The following GLIS1 variants were observed in gnomAD, a reference collection of about 807,000 sequenced individuals.
The protein encoded by GLIS1 is zinc finger protein GLIS1.
In GLIS1, 24 loss-of-function variants were observed where a neutral mutation model predicts 63.8. The ratio of observed to expected loss-of-function variants is 0.38; its 90% CI spans 0.27 to 0.53. GLIS1 has a LOEUF of 0.53. Ranked by LOEUF, GLIS1 falls within the 20% of genes least tolerant of loss-of-function variation. GLIS1 has a pLI of 0.85. For missense variants in GLIS1, 1,036 were observed against 1,074.1 expected, an observed-to-expected ratio of 0.96 and a Z score of 0.50; for synonymous variants, 450 against 482.5, an observed-to-expected ratio of 0.93 and a Z score of 0.88.
intron 2 of GLIS1, among the ~76,000 whole-genome samples, chr1:53,689,627 G>T (rs997439974): frequency 6.6e-6 from 1 of 152,136 alleles, no homozygotes; most frequent in African/African-American, 2.4e-5. Flanking sequence ...CCCAAACAAA[G>T]ACTTACTTCT....
intron 2 of GLIS1, among the ~76,000 whole-genome samples, chr1:53,636,759 G>A (rs925686444): frequency 1.3e-5 from 2 of 152,182 alleles, no homozygotes; most frequent in South Asian, 2.1e-4. Flanking sequence ...ACTCGGCGAC[G>A]CCTACTGGGC....
chr1:53,641,873 C>T (rs563828573), intron 2 of GLIS1, among the ~76,000 whole-genome samples: 1 of 152,352 alleles, frequency 6.6e-6, no homozygotes, highest in African/African-American at 2.4e-5. Flanking sequence ...ACCTCCACAG[C>T]TTGCACATCA....
intron 4 of GLIS1, among the ~76,000 whole-genome samples, chr1:53,561,727 T>C (rs1170285788): frequency 1.3e-5 from 2 of 152,168 alleles, no homozygotes; most frequent in African/African-American, 4.8e-5. Flanking sequence ...GGCCCAGCAG[T>C]TCATGGAGAG....
intron 2 of GLIS1, among the ~76,000 whole-genome samples, chr1:53,649,416 A>G (rs1645882114): frequency 6.6e-6 from 1 of 152,230 alleles, no homozygotes; most frequent in Admixed American, 6.5e-5. Context: ...GGTGCTCATC[A>G]TCTCCGTGTG....
At chr1:53,712,144 C>T (rs1203936480) in intron 2 of GLIS1, among the ~76,000 whole-genome samples, 2 of 152,180 alleles carry the variant, frequency 1.3e-5, no homozygotes, top group African/African-American at 4.8e-5. Flanking sequence ...ACACCAAATT[C>T]CTCCCCACTA....
intron 2 of GLIS1, among the ~76,000 whole-genome samples, chr1:53,689,465 TTCCCACCCAGAAACA>T (rs1249721182): frequency 3.9e-5 from 6 of 152,120 alleles, no homozygotes; most frequent in African/African-American, 1.4e-4. Flanking sequence ...CCCGTGTATC[TTCCCACCCAGAAACA>T]TCCTGAGCTG....
intron 2 of GLIS1, among the ~76,000 whole-genome samples, chr1:53,720,275 T>C (rs913617935): frequency 1.3e-5 from 2 of 152,146 alleles, no homozygotes; most frequent in African/African-American, 2.4e-5. Flanking sequence ...AATAGACAAA[T>C]GGATAGAGAA....
chr1:53,715,385 C>G (rs1382599931), intron 2 of GLIS1, among the ~76,000 whole-genome samples: 1 of 152,168 alleles, frequency 6.6e-6, no homozygotes, highest in African/African-American at 2.4e-5. Flanking sequence ...GCAAGGTCAG[C>G]ATGGTCCAAG....
At chr1:53,517,669 G>C (rs1274672403) in intron 7 of GLIS1, among the ~76,000 whole-genome samples, 1 of 152,136 alleles carries the variant, frequency 6.6e-6, no homozygotes, top group Non-Finnish European at 1.5e-5. Flanking sequence ...GTGCAGAAGA[G>C]AACTGGTCCC....
intron 2 of GLIS1, among the ~76,000 whole-genome samples, chr1:53,710,652 C>A (rs1216256663): frequency 2.6e-5 from 4 of 152,220 alleles, no homozygotes; most frequent in Non-Finnish European, 1.5e-5. Flanking sequence ...TACCCCTCTG[C>A]CTGCTGGGGC....
At chr1:53,674,964 G>C (rs1465703408) in intron 2 of GLIS1, among the ~76,000 whole-genome samples, 1 of 152,192 alleles carries the variant, frequency 6.6e-6, no homozygotes, top group Non-Finnish European at 1.5e-5. Flanking sequence ...TGCCCTGCAG[G>C]AGCTGTCACT....
intron 1 of GLIS1, among the ~76,000 whole-genome samples, chr1:53,738,421 G>A (rs1257385938): frequency 6.6e-6 from 1 of 152,162 alleles, no homozygotes; most frequent in Non-Finnish European, 1.5e-5. Flanking sequence ...GTGAAACTGA[G>A]GCCTGGAGCG....
intron 4 of GLIS1, among the ~76,000 whole-genome samples, chr1:53,543,674 C>T (rs979998248): frequency 4.6e-5 from 7 of 152,072 alleles, no homozygotes; most frequent in Admixed American, 1.3e-4. Context: ...CTGCAGTAAG[C>T]GCACTGGTCT....
At chr1:53,681,210 ACGCATGC>A (rs1453935737) in intron 2 of GLIS1, among the ~76,000 whole-genome samples, 5 of 152,246 alleles carry the variant, frequency 3.3e-5, no homozygotes, top group Admixed American at 2.6e-4. Context: ...CTGCGTGAAG[ACGCATGC>A]CCAGCTGTCA....
chr1:53,520,818 C>A (rs1644400887), intron 6 of GLIS1, 52 bp from the exon 7 acceptor site: 2 of 1,535,710 alleles, frequency 1.3e-6, no homozygotes, highest in East Asian at 4.7e-5. Context: ...CCCTGCCCAC[C>A]AGCAACCCTC....
intron 2 of GLIS1, among the ~76,000 whole-genome samples, chr1:53,615,868 C>T (rs1028429827): frequency 2.6e-5 from 4 of 152,074 alleles, no homozygotes; most frequent in African/African-American, 7.2e-5. Context: ...CATGCCTCAG[C>T]CTTCCGAGTA....
intron 4 of GLIS1, among the ~76,000 whole-genome samples, chr1:53,561,751 TGAAGCCAAGGAAGCTTTGGCCCATG>T (rs1281934485): frequency 2.0e-5 from 3 of 152,150 alleles, no homozygotes; most frequent in African/African-American, 7.2e-5. Context: ...TCCCGAGGTG[TGAAGCCAAGGAAGCTTTGGCCCATG>T]GGAGCCAAGG....
chr1:53,676,370 C>T (rs904182853), intron 2 of GLIS1, among the ~76,000 whole-genome samples: 1 of 152,162 alleles, frequency 6.6e-6, no homozygotes, highest in Non-Finnish European at 1.5e-5. Flanking sequence ...CAGTCTCCTC[C>T]TCAGTCTGGG....
rs141269837 is a variant in GLIS1, at chr1:53,658,472, A to C, written c.260-58194T>G. Among the ~76,000 whole-genome samples the C allele has an allele frequency of 4.7e-3, 721 of 152,340 alleles. 5 individuals are homozygous for C. Among genetic ancestry groups the C allele is most frequent in the Middle Eastern group, 0.014 (4 of 294 alleles). ...TCCTGGCCCTAAGCAGTCTACAGGA[A>C]AGGAAAACATGAAAAGCTGAATTCC... On this transcript the variant is annotated intron_variant, in intron 2 of 10. Transcript: ENST00000628545.
Sources: allele counts gnomAD v4.1 joint callset (sites outside exome capture counted in the v4.1 genomes callset), GRCh38; gene constraint gnomAD v4.1.1; transcripts MANE v1.5; gene names NCBI Gene and HGNC (gene_info 2026-07-23, HGNC 2026-07-21).